Variants in PCDHGA3 observed in about 807,000 individuals in gnomAD.
The protein encoded by PCDHGA3 is protocadherin gamma subfamily A, 3.
A neutral mutation model predicts 58.5 loss-of-function variants in PCDHGA3; 40 were observed. The ratio of observed to expected loss-of-function variants is 0.68; its 90% CI spans 0.53 to 0.89. The LOEUF is 0.89. PCDHGA3 is among the 40% of genes least tolerant of loss of function. The probability of loss-of-function intolerance (pLI) is 0.00; values close to 1 mark genes in which losing one functional copy is unlikely to be tolerated. For missense variants in PCDHGA3, 1,223 were observed against 1,195.9 expected, an observed-to-expected ratio of 1.02 and a Z score of -0.33; for synonymous variants, 530 against 525.7, an observed-to-expected ratio of 1.01 and a Z score of -0.11.
At position 141,351,652 on chromosome 5, in the gene PCDHGA3, C is replaced by A. The variant is rs778580373; in HGVS notation, c.2424+5195C>A. On this transcript the variant is annotated intron_variant, in intron 1 of 3. Coordinates refer to ENST00000253812, the MANE Select transcript of PCDHGA3 (RefSeq NM_018916.4). ...ACGTGTCTGAGAACAACCCACCTGG[C>A]GCCTCCATTGCACAAGTAAGCGCCT... The A allele has an allele frequency of 1.7e-4, 281 of 1,614,054 alleles. 2 individuals carry two copies. In the Admixed American group the frequency reaches 3.6e-3, roughly 21 times the overall value.
Position 141,345,342 on chromosome 5 carries a change from C to T in PCDHGA3, c.1309C>T (p.His437Tyr). The change falls in exon 1 of 4, where the codon CAC (histidine) becomes TAC (tyrosine). Residue 437 changes from histidine to tyrosine, a missense_variant. Coordinates refer to ENST00000253812, the MANE Select transcript of PCDHGA3 (RefSeq NM_018916.4). ...AAGCCCGCCACTGTCCACAGAAACT[C>T]ACATCACCCTGCATGTGATTGACAT... ...GGSPPLSTET[H>Y]ITLHVIDIND... The T allele has an allele frequency of 6.2e-7, 1 of 1,614,044 alleles. No homozygotes were observed. Among genetic ancestry groups the T allele is most frequent in the Non-Finnish European group, 8.5e-7 (1 of 1,179,934 alleles).
intron 1 of PCDHGA3, chr5:141,374,866 G>T (rs956228027): frequency 3.1e-6 from 5 of 1,613,750 alleles, no homozygotes; most frequent in Non-Finnish European, 4.2e-6. Context: ...GCACACCAGT[G>T]TTGGCAGTGA....
At chr5:141,475,046 T>C (rs1430484084) in intron 1 of PCDHGA3, among the ~76,000 whole-genome samples, 1 of 152,274 alleles carries the variant, frequency 6.6e-6, no homozygotes, top group African/African-American at 2.4e-5. Context: ...CTTTGTATTT[T>C]CTAAAGATTT....
intron 1 of PCDHGA3, chr5:141,392,870 G>A (rs757363357): frequency 6.2e-7 from 1 of 1,613,226 alleles, no homozygotes; most frequent in East Asian, 2.2e-5. Flanking sequence ...TGTGCGCGCT[G>A]CTGGGAACGC....
intron 1 of PCDHGA3, chr5:141,400,414 C>G: frequency 6.2e-7 from 1 of 1,614,058 alleles, no homozygotes; most frequent in African/African-American, 1.3e-5. Flanking sequence ...GTTTAATTTC[C>G]TAAAATGTAG....
rs1275109387 is a variant in PCDHGA3 at position 141,431,924 on chromosome 5, A to G, written c.2425-62883A>G. The G allele has an allele frequency of 1.1e-5, 17 of 1,614,050 alleles. No homozygotes were observed. Among genetic ancestry groups the G allele is most frequent in the Non-Finnish European group, 1.4e-5 (17 of 1,179,982 alleles). On this transcript the variant is annotated intron_variant, in intron 1 of 3. Coordinates refer to ENST00000253812, the MANE Select transcript of PCDHGA3 (RefSeq NM_018916.4). The surrounding 1 kb of genome is among the most constrained non-coding windows in gnomAD (Gnocchi z 4.8). ...ACAGGTGATCTGTTTCATCCAAGGA[A>G]ATCTGCCCTTTAAATTAGAAAAATC... is the stretch of plus-strand genomic sequence containing the variant.
intron 1 of PCDHGA3, chr5:141,364,809 C>A: frequency 6.2e-7 from 1 of 1,613,952 alleles, no homozygotes; most frequent in Non-Finnish European, 8.5e-7. Flanking sequence ...GCGCGGGATG[C>A]GGATGTGGGT....
intron 1 of PCDHGA3, chr5:141,418,462 C>G: frequency 1.2e-6 from 2 of 1,613,974 alleles, no homozygotes; most frequent in Non-Finnish European, 8.5e-7. Flanking sequence ...AGACTCTGGA[C>G]CGAGAAACGC....
chr5:141,485,134 C>G lies in PCDHGA3; in HGVS notation c.2425-9673C>G, dbSNP rs967744072. 1.3e-6 allele frequency: 2 copies of G among 1,495,962 alleles called. No individual in the cohort carries two copies. Among genetic ancestry groups the G allele is most frequent in the South Asian group, 2.4e-5 (2 of 84,482 alleles). 92.7% of individuals were successfully genotyped at this position (1,495,962 alleles called of 1,614,324 possible). ...CTGTTTGGGGCGGGTCGGCTTCATC[C>G]GCGTCTCAGGAGCAAGTAGAGAATT... On this transcript the variant is annotated intron_variant, in intron 1 of 3. Transcript: ENST00000253812. The surrounding 1 kb of genome is among the most constrained non-coding windows in gnomAD (Gnocchi z 5.7).
chr5:141,364,267 T>C, intron 1 of PCDHGA3: 1 of 1,511,636 alleles, frequency 6.6e-7, no homozygotes, highest in Non-Finnish European at 8.8e-7. Flanking sequence ...CCCATCGGCT[T>C]TAGATAAATA....
chr5:141,492,503 A>G (rs1341352458), intron 1 of PCDHGA3, among the ~76,000 whole-genome samples: 1 of 151,188 alleles, frequency 6.6e-6, no homozygotes, highest in Non-Finnish European at 1.5e-5. Context: ...AGGACTCCGG[A>G]GCCTCCTCTC....
chr5:141,405,391 T>A, intron 1 of PCDHGA3: 1 of 1,595,892 alleles, frequency 6.3e-7, no homozygotes, highest in Non-Finnish European at 8.5e-7. Flanking sequence ...GTTCATTTTT[T>A]TTCTTTCTTT....
At chr5:141,371,221 A>C (rs769598930) in intron 1 of PCDHGA3, 3 of 1,614,064 alleles carry the variant, frequency 1.9e-6, no homozygotes, top group Non-Finnish European at 1.7e-6. Context: ...ATCAATGCCG[A>C]AATCATCTAT....
chr5:141,393,939 T>C (rs1488586975), intron 1 of PCDHGA3: 2 of 1,613,856 alleles, frequency 1.2e-6, no homozygotes, highest in Non-Finnish European at 8.5e-7. Context: ...TGACCAAGAC[T>C]CTGGAAAGAA....
intron 1 of PCDHGA3, chr5:141,400,544 A>G (rs1436586530): frequency 6.2e-7 from 1 of 1,613,568 alleles, no homozygotes; most frequent in Non-Finnish European, 8.5e-7. Flanking sequence ...ATTTATGTCT[A>G]TTCTTTTTCA....
intron 3 of PCDHGA3, among the ~76,000 whole-genome samples, chr5:141,508,752 C>G (rs2099871515): frequency 6.6e-6 from 1 of 152,028 alleles, no homozygotes. Flanking sequence ...CGCTCTTTCT[C>G]TGGCGCCTCT....
chr5:141,357,981 G>C (rs1413187793), intron 1 of PCDHGA3, among the ~76,000 whole-genome samples: 1 of 152,130 alleles, frequency 6.6e-6, no homozygotes, highest in Non-Finnish European at 1.5e-5. Context: ...CCTGAGCTCA[G>C]GAGTTCGAGA....
chr5:141,381,979 G>T (rs767842302), intron 1 of PCDHGA3, among the ~76,000 whole-genome samples: 1 of 151,486 alleles, frequency 6.6e-6, no homozygotes, highest in African/African-American at 2.4e-5. Context: ...ACAGGCGCGC[G>T]CCACCACGCC....
At chr5:141,387,772 T>G in intron 1 of PCDHGA3, 1 of 1,442,780 alleles carries the variant, frequency 6.9e-7, no homozygotes, top group Non-Finnish European at 9.2e-7. Flanking sequence ...GAATTTTTTC[T>G]TGAACTGGAA....
Sources: gnomAD v4.1 joint callset for allele counts (sites outside exome capture counted in the v4.1 genomes callset) on GRCh38, gnomAD v4.1.1 for gene constraint, Gnocchi (gnomAD v3.1) non-coding constraint, MANE v1.5 for transcripts, NCBI Gene and HGNC (gene_info 2026-07-23, HGNC 2026-07-21) for gene names.